ZMIZ1: variants seen among roughly 807,000 people sequenced by gnomAD.
ZMIZ1 encodes the protein zinc finger MIZ domain-containing protein 1.
A neutral mutation model predicts 113.9 loss-of-function variants in ZMIZ1; 17 were observed. That is an observed-to-expected ratio of 0.15 (90% CI 0.10 to 0.22). ZMIZ1 has a LOEUF of 0.22. Among genes scored for constraint, ZMIZ1 ranks in the 10% least tolerant of loss-of-function variants. The pLI is 1.00. For missense variants in ZMIZ1, 1,059 were observed against 1,477.8 expected (o/e 0.72, Z 4.65); for synonymous variants, 607 against 603.1 (o/e 1.01, Z -0.09).
chr10:79,072,633 C>T (rs902022383), intron 1 of ZMIZ1, among the ~76,000 whole-genome samples: 1 of 152,196 alleles, frequency 6.6e-6, no homozygotes, highest in East Asian at 1.9e-4. Context: ...AATTAATTTC[C>T]AGAAGCTTCT....
intron 3 of ZMIZ1, among the ~76,000 whole-genome samples, chr10:79,149,167 G>C (rs568032745): frequency 2.0e-5 from 3 of 152,324 alleles, no homozygotes; most frequent in African/African-American, 7.2e-5. Flanking sequence ...CTCTGTCCCT[G>C]TCCCTGGGGT....
At chr10:79,097,102 C>A (rs542632755) in intron 1 of ZMIZ1, among the ~76,000 whole-genome samples, 1 of 152,326 alleles carries the variant, frequency 6.6e-6, no homozygotes, top group East Asian at 1.9e-4. Context: ...CTCCACTTGC[C>A]CCCGGGTCGC....
intron 2 of ZMIZ1, among the ~76,000 whole-genome samples, chr10:79,126,110 G>A (rs1415222721): frequency 6.6e-6 from 1 of 152,218 alleles, no homozygotes; most frequent in Non-Finnish European, 1.5e-5. Context: ...GCCTCCTGCT[G>A]TGAGAGGTTC....
At chr10:79,265,182 G>C (rs571224215) in intron 7 of ZMIZ1, among the ~76,000 whole-genome samples, 1 of 152,176 alleles carries the variant, frequency 6.6e-6, no homozygotes, top group Non-Finnish European at 1.5e-5. Context: ...GCGGGCGTGC[G>C]AGGAGTGTTC....
chr10:79,306,656 C>T (rs185077024), intron 22 of ZMIZ1, among the ~76,000 whole-genome samples: 72 of 152,142 alleles, frequency 4.7e-4, no homozygotes, highest in Admixed American at 4.7e-3. Context: ...CTGCAACTTT[C>T]CTGCCCTCCT....
intron 16 of ZMIZ1, among the ~76,000 whole-genome samples, chr10:79,300,099 C>G (rs911510451): frequency 1.3e-5 from 2 of 152,238 alleles, no homozygotes; most frequent in African/African-American, 4.8e-5. Flanking sequence ...AACACAGGAG[C>G]TGCAACGCTC....
chr10:79,185,763 C>T lies in ZMIZ1; in HGVS notation c.-49-15821C>T, dbSNP rs139643303. Reference sequence around the variant, plus strand: ...CATTGGAGGATTGTGGATGAATCTTCAGTTGCTGACAACACTGGACCTTGG... The same window carrying T: ...CATTGGAGGATTGTGGATGAATCTTTAGTTGCTGACAACACTGGACCTTGG... On this transcript the variant is annotated intron_variant, in intron 4 of 24. Coordinates refer to ENST00000334512, the MANE Select transcript of ZMIZ1 (RefSeq NM_020338.4). Among the ~76,000 whole-genome samples, 19 of 151,938 alleles carry T rather than the reference C, an allele frequency of 1.3e-4. No homozygotes were observed. In the East Asian group the frequency reaches 3.5e-3, roughly 28 times the overall value.
intron 1 of ZMIZ1, among the ~76,000 whole-genome samples, chr10:79,086,278 T>C (rs1311776137): frequency 6.6e-6 from 1 of 152,124 alleles, no homozygotes; most frequent in Non-Finnish European, 1.5e-5. Flanking sequence ...AGGGACCTCC[T>C]AGGCATTCTC....
Position 79,069,044 on chromosome 10 carries a change from G to T in ZMIZ1, c.-563G>T. 6.6e-6 allele frequency: 1 copy of T among 151,626 alleles called. No homozygotes were observed. The highest frequency in any genetic ancestry group is 1.8e-4 in the South Asian group (1 of 5,624). The allele number at this position is 151,626 out of a possible 1,614,324, so 9.4% of individuals were successfully genotyped here. On this transcript the variant is annotated 5_prime_UTR_variant, in exon 1 of 25. Coordinates refer to ENST00000334512, the MANE Select transcript of ZMIZ1 (RefSeq NM_020338.4). This position sits in a 1 kb window ranked among gnomAD's most constrained non-coding sequence, Gnocchi z 4.6. The stretch of plus-strand genomic sequence containing the variant: ...AAGCGAGCGGCGGCGGCGGGCGCCG[G>T]GGAGAGCGGGCGGCCGGGCGGCAGG...
At chr10:79,213,411 T>A (rs1848599484) in intron 6 of ZMIZ1, among the ~76,000 whole-genome samples, 1 of 152,186 alleles carries the variant, frequency 6.6e-6, no homozygotes, top group Non-Finnish European at 1.5e-5. Context: ...TCCTGCCCTC[T>A]CTGGGCCTTG....
chr10:79,276,980 C>T (rs1032130259), intron 7 of ZMIZ1, among the ~76,000 whole-genome samples: 1 of 152,186 alleles, frequency 6.6e-6, no homozygotes, highest in African/African-American at 2.4e-5. Flanking sequence ...CTTTTGTATC[C>T]TCCTTCAAGG....
intron 4 of ZMIZ1, among the ~76,000 whole-genome samples, chr10:79,174,915 G>A (rs1057057551): frequency 1.3e-5 from 2 of 152,218 alleles, no homozygotes; most frequent in Non-Finnish European, 2.9e-5. Flanking sequence ...GCATCCCCAG[G>A]TGACACCTGC....
intron 5 of ZMIZ1, among the ~76,000 whole-genome samples, chr10:79,205,524 G>C: frequency 6.6e-6 from 1 of 152,198 alleles, no homozygotes; most frequent in East Asian, 1.9e-4. Context: ...AGGGGCCCTG[G>C]CATCAACAGC....
At chr10:79,077,241 C>T (rs905524644) in intron 1 of ZMIZ1, among the ~76,000 whole-genome samples, 2 of 151,966 alleles carry the variant, frequency 1.3e-5, no homozygotes, top group African/African-American at 2.4e-5. Flanking sequence ...CCTTGACCGC[C>T]GCTGGGAAGC....
chr10:79,125,882 G>T (rs983776191), intron 2 of ZMIZ1, among the ~76,000 whole-genome samples: 1 of 152,242 alleles, frequency 6.6e-6, no homozygotes. Context: ...TCAGCTGAGT[G>T]CAGGGCCACA....
chr10:79,199,771 T>C (rs1483186367), intron 4 of ZMIZ1, among the ~76,000 whole-genome samples: 1 of 152,202 alleles, frequency 6.6e-6, no homozygotes, highest in African/African-American at 2.4e-5. Flanking sequence ...CTTTGTGGAC[T>C]TTCTGATTTT....
At chr10:79,299,218 C>T (rs1337584045) in intron 16 of ZMIZ1, 27 bp downstream of exon 16, 1 of 1,586,200 alleles carries the variant, frequency 6.3e-7, no homozygotes, top group Non-Finnish European at 8.5e-7. Flanking sequence ...GGGCGCCAGC[C>T]CAGGCGGGAT....
intron 2 of ZMIZ1, among the ~76,000 whole-genome samples, chr10:79,134,705 A>T (rs1844920947): frequency 6.6e-6 from 1 of 152,222 alleles, no homozygotes. Context: ...CTATGTATGT[A>T]TGTTCATGTA....
chr10:79,102,544 G>A (rs930829621), intron 1 of ZMIZ1, among the ~76,000 whole-genome samples: 3 of 152,248 alleles, frequency 2.0e-5, no homozygotes, highest in Admixed American at 6.5e-5. Flanking sequence ...GGTTTTCAAA[G>A]AGGCAGCATT....
Sources: gnomAD v4.1 joint callset for allele counts (sites outside exome capture counted in the v4.1 genomes callset) on GRCh38, gnomAD v4.1.1 for gene constraint, Gnocchi (gnomAD v3.1) non-coding constraint, MANE v1.5 for transcripts, NCBI Gene and HGNC (gene_info 2026-07-23, HGNC 2026-07-21) for gene names.